Variants in NDUFA10 observed in about 807,000 individuals in gnomAD.
The protein encoded by NDUFA10 is NADH dehydrogenase [ubiquinone] 1 alpha subcomplex subunit 10, mitochondrial.
A neutral mutation model predicts 47.8 loss-of-function variants in NDUFA10; 40 were observed. That is an observed-to-expected ratio of 0.84 (90% CI 0.65 to 1.09). The LOEUF (loss-of-function observed/expected upper bound fraction) is 1.09. Ranked by LOEUF, NDUFA10 falls within the 50% of genes least tolerant of loss-of-function variation. NDUFA10 has a pLI of 0.00. For synonymous variants in NDUFA10, 183 were observed against 172.2 expected (o/e 1.06, Z -0.49); for missense variants, 413 against 451.1 (o/e 0.92, Z 0.76).
intron 4 of NDUFA10, among the ~76,000 whole-genome samples, chr2:239,938,231 C>A (rs1694300186): frequency 6.6e-6 from 1 of 152,212 alleles, no homozygotes; most frequent in South Asian, 2.1e-4. Flanking sequence ...GCTCACAGCA[C>A]CGTGATATGG....
intron 4 of NDUFA10, among the ~76,000 whole-genome samples, chr2:239,926,220 T>A (rs1694063241): frequency 6.6e-6 from 1 of 152,226 alleles, no homozygotes; most frequent in Non-Finnish European, 1.5e-5. Flanking sequence ...TATTCATAAT[T>A]GTCAAAATCT....
At position 240,005,248 on chromosome 2, in the gene NDUFA10, G is replaced by A. The variant is rs1696901293; in HGVS notation, c.852C>T (p.Leu284=). 1 of 1,614,072 alleles carries A rather than the reference G, an allele frequency of 6.2e-7. No individual in the cohort carries two copies. Among genetic ancestry groups the A allele is most frequent in the Non-Finnish European group, 8.5e-7 (1 of 1,179,984 alleles). Residue 284 remains leucine (L), a synonymous_variant, in exon 8 of 10, where the codon CTC becomes CTT. Transcript: ENST00000252711. The part of the protein sequence containing the change: ...EYLKFDKGPW[L]KQDNRTLYHL... ...GGTATAAAGTGCGATTGTCCTGCTT[G>A]AGCCACGGCCCTTTATCGAACTTCA...
chr2:239,918,988 G>A (rs981469636), intron 4 of NDUFA10, among the ~76,000 whole-genome samples: 21 of 152,176 alleles, frequency 1.4e-4, no homozygotes, highest in African/African-American at 1.9e-4. Context: ...CACAGTAACC[G>A]GCTGCTTCCA....
At chr2:239,949,993 G>T (rs1694524416) in intron 4 of NDUFA10, among the ~76,000 whole-genome samples, 1 of 152,158 alleles carries the variant, frequency 6.6e-6, no homozygotes, top group Non-Finnish European at 1.5e-5. Context: ...CCATCTGGGA[G>T]ACTGGGGAGG....
At chr2:239,983,017 T>C (rs1273637744) in intron 9 of NDUFA10, among the ~76,000 whole-genome samples, 1 of 152,068 alleles carries the variant, frequency 6.6e-6, no homozygotes, top group Non-Finnish European at 1.5e-5. Flanking sequence ...CTCTCAGGGG[T>C]GTGTGCAAGG....
At chr2:239,903,910 G>A (rs1332970014) in intron 4 of NDUFA10, among the ~76,000 whole-genome samples, 2 of 152,240 alleles carry the variant, frequency 1.3e-5, no homozygotes, top group Non-Finnish European at 2.9e-5. Context: ...ATTGAGATCA[G>A]GTGGGGCAGG....
chr2:239,979,650 C>T (rs1336571300), intron 9 of NDUFA10, among the ~76,000 whole-genome samples: 1 of 152,160 alleles, frequency 6.6e-6, no homozygotes, highest in Admixed American at 6.5e-5. Context: ...CTCTCACCTG[C>T]ACCACCAGGA....
chr2:240,005,091 G>A (rs1241788731), intron 8 of NDUFA10, 119 bp downstream of exon 8: 1 of 870,590 alleles, frequency 1.1e-6, no homozygotes, highest in African/African-American at 1.7e-5. Context: ...ATACCTCTAA[G>A]TATTGGGTTG....
chr2:240,015,426 G>A (rs1004660713), intron 4 of NDUFA10, among the ~76,000 whole-genome samples: 3 of 152,168 alleles, frequency 2.0e-5, no homozygotes, highest in African/African-American at 7.2e-5. Context: ...CTTCTCTGAA[G>A]AATAAAGAAC....
intron 5 of NDUFA10, chr2:240,013,928 A>T (rs1400308716): frequency 1.3e-5 from 2 of 152,114 alleles, no homozygotes; most frequent in Non-Finnish European, 2.9e-5. Context: ...CTAAAAATAC[A>T]AAAAAATTAG....
intron 8 of NDUFA10, among the ~76,000 whole-genome samples, chr2:239,998,610 G>A (rs554235168): frequency 2.6e-4 from 39 of 152,306 alleles, no homozygotes; most frequent in South Asian, 8.3e-4. Context: ...ACCAGGGTAC[G>A]ATGGGAGTTA....
chr2:239,917,775 G>A (rs1693901597), intron 4 of NDUFA10, among the ~76,000 whole-genome samples: 2 of 152,222 alleles, frequency 1.3e-5, no homozygotes, highest in South Asian at 2.1e-4. Flanking sequence ...TTTTCCAGAT[G>A]TTAAGTCCGC....
At chr2:239,897,128 G>C (rs747075920) in intron 4 of NDUFA10, among the ~76,000 whole-genome samples, 1 of 152,092 alleles carries the variant, frequency 6.6e-6, no homozygotes, top group Non-Finnish European at 1.5e-5. Context: ...GAGAGCTTTG[G>C]CATGGAAATC....
chr2:239,945,127 C>T lies in NDUFA10; in HGVS notation c.294+44947G>A, dbSNP rs550408524. Among the ~76,000 whole-genome samples the T allele has an allele frequency of 8.5e-5, 13 of 152,254 alleles. No homozygotes were observed. In the East Asian group the frequency reaches 1.7e-3, roughly 20 times the overall value. On this transcript the variant is annotated intron_variant, in intron 4 of 5. Coordinates refer to the NDUFA10 transcript ENST00000419408. The surrounding 1 kb of genome is among the most constrained non-coding windows in gnomAD (Gnocchi z 4.6). ...TCTATCCTCTACAGAAACCCAGGCACGTGTACAGCCATCAGAGCCCCGGCA... is the reference window on the plus strand; with the variant it reads ...TCTATCCTCTACAGAAACCCAGGCATGTGTACAGCCATCAGAGCCCCGGCA...
intron 9 of NDUFA10, among the ~76,000 whole-genome samples, chr2:239,961,875 G>C (rs1694866483): frequency 6.6e-6 from 1 of 152,204 alleles, no homozygotes; most frequent in Admixed American, 6.5e-5. Flanking sequence ...GGCAGTGATG[G>C]AGCTGCAGAA....
chr2:239,914,575 C>G (rs1574774612), intron 4 of NDUFA10, among the ~76,000 whole-genome samples: 1 of 132,012 alleles, frequency 7.6e-6, no homozygotes, highest in South Asian at 2.3e-4. Context: ...CACACACACA[C>G]AGAGAACACA....
chr2:239,954,813 G>GT (rs1421382738), downstream of NDUFA10, among the ~76,000 whole-genome samples: 2 of 71,290 alleles, frequency 2.8e-5, no homozygotes, highest in African/African-American at 1.9e-4. Flanking sequence ...TCCCCCAAGT[G>GT]GGTTGGCAGG....
At chr2:239,947,360 G>A (rs1418178235) in intron 4 of NDUFA10, among the ~76,000 whole-genome samples, 1 of 152,214 alleles carries the variant, frequency 6.6e-6, no homozygotes, top group Non-Finnish European at 1.5e-5. Context: ...GGCCCACAGA[G>A]GAAAATGGCT....
At position 239,945,309 on chromosome 2, in the gene NDUFA10, ACACGAGCT is replaced by A. The variant is rs888699504; in HGVS notation, c.294+44757_294+44764del. On this transcript the variant is annotated intron_variant, in intron 4 of 5. Transcript: ENST00000419408. This position sits in a 1 kb window ranked among gnomAD's most constrained non-coding sequence, Gnocchi z 4.6. ...TTCCTCCTGCTTTGCAGCCAGGAAG[ACACGAGCT>A]CACAGATCAGCAATTTGCCCAAAGT... 6.6e-6 allele frequency among the ~76,000 whole-genome samples: 1 copy of A among 152,220 alleles called. No homozygotes were observed. The highest frequency in any genetic ancestry group is 2.4e-5 in the African/African-American group (1 of 41,462).
Sources: allele counts gnomAD v4.1 joint callset (sites outside exome capture counted in the v4.1 genomes callset), GRCh38; gene constraint gnomAD v4.1.1; non-coding constraint Gnocchi (gnomAD v3.1); transcripts MANE v1.5; gene names NCBI Gene and HGNC (gene_info 2026-07-23, HGNC 2026-07-21).